DMD: variants seen among roughly 807,000 people sequenced by gnomAD.
DMD encodes the protein mutant dystrophin.
DMD carries 63 observed loss-of-function variants against 330.1 expected under a neutral mutation model. That is an observed-to-expected ratio of 0.19 (90% CI 0.16 to 0.24). DMD has a LOEUF of 0.24. Among genes scored for constraint, DMD ranks in the 10% least tolerant of loss-of-function variants. DMD has a pLI of 1.00. For synonymous variants in DMD, 1,223 were observed against 959.8 expected, an observed-to-expected ratio of 1.27 and a Z score of -5.07; for missense variants, 3,344 against 2,684.1, an observed-to-expected ratio of 1.25 and a Z score of -5.43.
chrX:31,754,427 CAGAT>C (rs1434882909), intron 51 of DMD, among the ~76,000 whole-genome samples: 1 of 110,564 alleles, frequency 9.0e-6, no homozygotes, highest in Non-Finnish European at 1.9e-5. Context: ...CTGAAAAATA[CAGAT>C]AGATAGCCAG....
intron 60 of DMD, among the ~76,000 whole-genome samples, chrX:31,367,311 T>G (rs1335261652): frequency 6.3e-5 from 7 of 111,716 alleles, no homozygotes; most frequent in Admixed American, 5.7e-4. Context: ...TTATATTGTA[T>G]AGTGCCTAAG....
chrX:31,327,157 A>G (rs1187344954), intron 61 of DMD, among the ~76,000 whole-genome samples: 1 of 112,367 alleles, frequency 8.9e-6, no homozygotes, highest in South Asian at 3.7e-4. Flanking sequence ...AACCATTATC[A>G]TACGGCACCA....
intron 9 of DMD, among the ~76,000 whole-genome samples, chrX:32,651,299 C>T (rs1439538238): frequency 9.2e-6 from 1 of 109,138 alleles, no homozygotes; most frequent in Admixed American, 9.8e-5. Flanking sequence ...CAAGCCACCA[C>T]ACCGGGCTAA....
chrX:32,913,004 ATTTTTG>A (rs201468237), intron 2 of DMD, among the ~76,000 whole-genome samples: 305 of 112,203 alleles, frequency 2.7e-3, no homozygotes, highest in East Asian at 5.9e-3. Context: ...AATTAAGTTT[ATTTTTG>A]TTTTTGTTTT....
chrX:31,968,131 A>G lies in DMD; in HGVS notation c.6614+208T>C, dbSNP rs774700287. 5.4e-5 allele frequency among the ~76,000 whole-genome samples: 6 copies of G among 111,756 alleles called. No homozygotes were observed. In the South Asian group the frequency reaches 2.2e-3, roughly 42 times the overall value. ...AAGCAAACTTCAAGTTTAAAATAGC[A>G]GAAAACCACTAACTAGCCACAAGTA... On this transcript the variant is annotated intron_variant, in intron 45 of 78. Transcript: ENST00000357033.
chrX:32,510,624 C>T (rs1007890506), intron 18 of DMD, among the ~76,000 whole-genome samples: 3 of 111,415 alleles, frequency 2.7e-5, no homozygotes, highest in East Asian at 5.6e-4. Context: ...TAGCGTAACG[C>T]GTCCATATAC....
intron 55 of DMD, among the ~76,000 whole-genome samples, chrX:31,619,683 A>G: frequency 8.9e-6 from 1 of 112,194 alleles, no homozygotes; most frequent in Non-Finnish European, 1.9e-5. Flanking sequence ...ATAGATATAA[A>G]ATTACAAAAT....
chrX:33,266,138 T>C (rs941970958), intron 1 of DMD, among the ~76,000 whole-genome samples: 1 of 111,517 alleles, frequency 9.0e-6, no homozygotes, highest in Admixed American at 9.6e-5. Context: ...TATGTAGGTA[T>C]TGATTTCCTT....
At chrX:32,890,132 AGAC>A (rs1350866996) in intron 2 of DMD, among the ~76,000 whole-genome samples, 2 of 111,559 alleles carry the variant, frequency 1.8e-5, no homozygotes, top group African/African-American at 6.5e-5. Flanking sequence ...GTAATAAATC[AGAC>A]AACAATTAAG....
chrX:33,208,720 C>A (rs2051719739), intron 1 of DMD, among the ~76,000 whole-genome samples: 1 of 109,820 alleles, frequency 9.1e-6, no homozygotes, highest in Non-Finnish European at 1.9e-5. Context: ...ATACTCATAC[C>A]AAAATACTGT....
intron 7 of DMD, among the ~76,000 whole-genome samples, chrX:32,777,195 A>G (rs1240827108): frequency 1.1e-5 from 1 of 92,596 alleles, no homozygotes; most frequent in East Asian, 3.7e-4. Context: ...TCGCAGCATT[A>G]TCAATTTATC....
intron 1 of DMD, among the ~76,000 whole-genome samples, chrX:33,059,128 T>A (rs183169848): frequency 1.6e-3 from 176 of 111,492 alleles, no homozygotes; most frequent in African/African-American, 5.6e-3. Context: ...CGGTCCTAAT[T>A]ATGAAATCTT....
intron 44 of DMD, among the ~76,000 whole-genome samples, chrX:31,984,177 T>G (rs1178282697): frequency 8.9e-6 from 1 of 112,348 alleles, no homozygotes; most frequent in Non-Finnish European, 1.9e-5. Context: ...ATTTTGTCTT[T>G]CACTTTGATA....
chrX:32,323,313 A>AC (rs1315478658), intron 41 of DMD, among the ~76,000 whole-genome samples: 1 of 111,286 alleles, frequency 9.0e-6, no homozygotes, highest in Non-Finnish European at 1.9e-5. Flanking sequence ...CCAGTGCCCC[A>AC]CAGACACTGA....
At chrX:31,189,078 G>A (rs988534436) in intron 67 of DMD, among the ~76,000 whole-genome samples, 1 of 111,608 alleles carries the variant, frequency 9.0e-6, no homozygotes, top group Non-Finnish European at 1.9e-5. Flanking sequence ...CGCCTGCCAG[G>A]AGGTCCACCT....
intron 9 of DMD, among the ~76,000 whole-genome samples, chrX:32,648,653 C>T (rs184091923): frequency 2.7e-3 from 301 of 110,971 alleles, no homozygotes; most frequent in African/African-American, 9.2e-3. Flanking sequence ...AGCAAACCGA[C>T]GAAAAAAGAA....
chrX:31,800,848 A>G (rs963542386), intron 50 of DMD, among the ~76,000 whole-genome samples: 1 of 111,315 alleles, frequency 9.0e-6, no homozygotes. Flanking sequence ...AGTTCCCAAG[A>G]AGTTCCTAAT....
At chrX:31,154,637 T>C (rs2037888702) in intron 74 of DMD, among the ~76,000 whole-genome samples, 1 of 111,197 alleles carries the variant, frequency 9.0e-6, no homozygotes, top group Non-Finnish European at 1.9e-5. Flanking sequence ...TTAACAGCTG[T>C]CAATTATTAC....
chrX:31,817,271 A>G (rs1440452825), intron 50 of DMD, among the ~76,000 whole-genome samples: 2 of 112,187 alleles, frequency 1.8e-5, no homozygotes, highest in Non-Finnish European at 3.8e-5. Flanking sequence ...AGTACATGAA[A>G]TAATAAACAT....
Sources: allele counts gnomAD v4.1 joint callset (sites outside exome capture counted in the v4.1 genomes callset), GRCh38; gene constraint gnomAD v4.1.1; transcripts MANE v1.5; gene names NCBI Gene and HGNC (gene_info 2026-07-23, HGNC 2026-07-21).